The following ANKRD30A variants were observed in gnomAD, a reference collection of about 807,000 sequenced individuals.
ANKRD30A encodes ankyrin repeat domain 30A.
Under a neutral mutation model 166.3 loss-of-function variants are expected in ANKRD30A, and 170 were observed. That is an observed-to-expected ratio of 1.02 (90% CI 0.90 to 1.16). ANKRD30A has a LOEUF of 1.16. Among genes scored for constraint, ANKRD30A ranks in the 50% most tolerant of loss-of-function variants. The probability of loss-of-function intolerance (pLI) is 0.00; values close to 1 mark genes in which losing one functional copy is unlikely to be tolerated. For synonymous variants in ANKRD30A, 564 were observed against 508.9 expected (o/e 1.11, Z -1.46); for missense variants, 1,630 against 1,518.0 (o/e 1.07, Z -1.23).
chr10:37,257,017 G>T, the ANKRD30A span, among the ~76,000 whole-genome samples: 13 of 152,128 alleles, frequency 8.5e-5, no homozygotes, highest in South Asian at 2.7e-3. Context: ...GAATCCATCT[G>T]GTCCTGGGCT....
chr10:37,220,951 T>C (rs1355911129), intron 34 of ANKRD30A, among the ~76,000 whole-genome samples: 1 of 151,230 alleles, frequency 6.6e-6, no homozygotes, highest in Non-Finnish European at 1.5e-5. Flanking sequence ...TGATTGAATA[T>C]GTGAGGAACT....
intron 31 of ANKRD30A, among the ~76,000 whole-genome samples, chr10:37,202,148 A>G (rs781640534): frequency 3.3e-5 from 5 of 152,154 alleles, no homozygotes; most frequent in Non-Finnish European, 2.9e-5. Flanking sequence ...AAGGGTCAGA[A>G]GAAAGCATTA....
chr10:37,217,411 T>G (rs1293613639), intron 32 of ANKRD30A, among the ~76,000 whole-genome samples: 1 of 150,992 alleles, frequency 6.6e-6, no homozygotes, highest in African/African-American at 2.4e-5. Flanking sequence ...ATTTTCAACT[T>G]ATAAATTTAC....
chr10:37,213,791 A>T (rs959528640), intron 31 of ANKRD30A, among the ~76,000 whole-genome samples: 1 of 151,610 alleles, frequency 6.6e-6, no homozygotes, highest in Non-Finnish European at 1.5e-5. Flanking sequence ...CTTAATTTCC[A>T]ATAGTTGAGT....
At chr10:37,141,669 G>T (rs1255363944) in intron 6 of ANKRD30A, 49 bp from the exon 7 acceptor site, 4 of 1,599,554 alleles carry the variant, frequency 2.5e-6, no homozygotes, top group Non-Finnish European at 3.4e-6. Context: ...AGAGTCAGGA[G>T]GATGATATTT....
chr10:37,231,211 T>TA (rs1370038702), intron 34 of ANKRD30A, among the ~76,000 whole-genome samples: 1 of 151,882 alleles, frequency 6.6e-6, no homozygotes, highest in African/African-American at 2.4e-5. Flanking sequence ...CATAGTGAAA[T>TA]AGTCATGGCG....
intron 32 of ANKRD30A, 89 bp downstream of exon 32, chr10:37,216,483 A>G (rs1430810155): frequency 9.4e-6 from 12 of 1,278,306 alleles, no homozygotes; most frequent in Non-Finnish European, 1.3e-5. Context: ...TTACCTTCTG[A>G]GGTTTTACTG....
At chr10:37,133,488 A>G (rs1409532224) in intron 4 of ANKRD30A, among the ~76,000 whole-genome samples, 1 of 152,240 alleles carries the variant, frequency 6.6e-6, no homozygotes, top group Non-Finnish European at 1.5e-5. Context: ...CATTCTTATC[A>G]GCATCATTAA....
chr10:37,232,042 T>C (rs1843433022), intron 35 of ANKRD30A, among the ~76,000 whole-genome samples: 1 of 152,026 alleles, frequency 6.6e-6, no homozygotes, highest in Non-Finnish European at 1.5e-5. Context: ...CTGTGCTTCA[T>C]AACACTTCTA....
chr10:37,230,772 A>G (rs1192467329), intron 34 of ANKRD30A, among the ~76,000 whole-genome samples: 1 of 152,036 alleles, frequency 6.6e-6, no homozygotes, highest in Non-Finnish European at 1.5e-5. Context: ...TCCTTGTGAA[A>G]TGGGGAATTA....
At chr10:37,240,644 T>C in the ANKRD30A span, among the ~76,000 whole-genome samples, 1 of 152,138 alleles carries the variant, frequency 6.6e-6, no homozygotes, top group Non-Finnish European at 1.5e-5. Context: ...GTGATCTTCC[T>C]CAGCTCCAGC....
intron 15 of ANKRD30A, among the ~76,000 whole-genome samples, chr10:37,161,851 A>T (rs1838909567): frequency 6.6e-6 from 1 of 152,230 alleles, no homozygotes; most frequent in Admixed American, 6.5e-5. Flanking sequence ...CTAATGATAC[A>T]CCGAACCAGA....
chr10:37,130,361 A>G lies in ANKRD30A; in HGVS notation c.493A>G (p.Ile165Val). Residue 165 changes from isoleucine to valine, a missense_variant, in exon 3 of 36, where the codon ATC (isoleucine) becomes GTC (valine). Physicochemically the swap from Ile to Val is conservative, Grantham distance 29 (BLOSUM62 3). Around this residue, in one of 4 missense-constraint regions of ANKRD30A, gnomAD observed 904 missense variants for 818.5 expected, o/e 1.10. Coordinates refer to ENST00000361713, the MANE Select transcript of ANKRD30A (RefSeq NM_052997.3). ...AAAACTGCTGTCCCATGGTGCAGTC[A>G]TCGAAGTGCACAACAAGGTAGACAC... ...VAKLLSHGAV[I>V]EVHNKASLTP... 1.3e-6 allele frequency: 2 copies of G among 1,521,598 alleles called. No homozygotes were observed. Among genetic ancestry groups the G allele is most frequent in the Admixed American group, 2.0e-5 (1 of 49,860 alleles). 94.3% of individuals were successfully genotyped at this position (1,521,598 alleles called of 1,614,324 possible).
intron 29 of ANKRD30A, among the ~76,000 whole-genome samples, chr10:37,197,685 C>T (rs892691951): frequency 6.6e-6 from 1 of 151,996 alleles, no homozygotes; most frequent in Non-Finnish European, 1.5e-5. Context: ...TAGCCTTAAT[C>T]TCAGATGTTT....
At position 37,149,849 on chromosome 10, in the gene ANKRD30A, G is replaced by T. The variant is rs749135492; in HGVS notation, c.1645G>T (p.Asp549Tyr). 1.2e-6 allele frequency: 2 copies of T among 1,612,086 alleles called. No homozygotes were observed. Among genetic ancestry groups the T allele is most frequent in the African/African-American group, 2.7e-5 (2 of 74,792 alleles). ...GAAGAATGAACAAACATTGAGAGCA[G>T]GTAAATTTTTCAATTTAACTATGCA... is the stretch of plus-strand genomic sequence containing the variant. Reference protein sequence around the residue: ...ELKNEQTLRADPMFPPESKQK... With the variant: ...ELKNEQTLRAYPMFPPESKQK... The change falls in exon 11 of 36, where the codon GAT (aspartate) becomes TAT (tyrosine). Residue 549 changes from aspartate to tyrosine, a missense_variant and splice_region_variant. Asp to Tyr is a radical substitution (Grantham distance 160). Coordinates refer to ENST00000361713, the MANE Select transcript of ANKRD30A (RefSeq NM_052997.3).
chr10:37,199,736 T>G lies in ANKRD30A; in HGVS notation c.2726T>G (p.Phe909Cys), dbSNP rs1841467666. 2 of 1,575,656 alleles carry G rather than the reference T, an allele frequency of 1.3e-6. No individual in the cohort carries two copies. The highest frequency in any genetic ancestry group is 1.7e-6 in the Non-Finnish European group (2 of 1,150,666). Reference protein sequence around the residue: ...NEQTLRADQMFPSESKQKKVE... With the variant: ...NEQTLRADQMCPSESKQKKVE... ...GATTAACCTTTTATAGATCAGATGT[T>G]CCCTTCAGAATCAAAACAAAAGAAG... The change falls in exon 30 of 36, where the codon TTC (phenylalanine) becomes TGC (cysteine). Residue 909 changes from phenylalanine to cysteine, a missense_variant. Phe to Cys is a radical substitution (Grantham distance 205, BLOSUM62 -2). This residue lies in a region of ANKRD30A where 712 missense variants were observed against 629.3 expected (regional missense o/e 1.13). Coordinates refer to ENST00000361713, the MANE Select transcript of ANKRD30A (RefSeq NM_052997.3).
rs1224668263 is a variant in ANKRD30A, at chr10:37,158,391, G to C, written c.1799-1G>C. The C allele has an allele frequency of 6.2e-7, 1 of 1,608,678 alleles. No individual in the cohort carries two copies. The highest frequency in any genetic ancestry group is 8.5e-7 in the Non-Finnish European group (1 of 1,176,026). ...AATTATGTATGTCCCTTTTCTTATAGAGTCTCCTAATAAAGATGGTCTTCT... is the reference window on the plus strand; with the variant it reads ...AATTATGTATGTCCCTTTTCTTATACAGTCTCCTAATAAAGATGGTCTTCT... On this transcript the variant is annotated splice_acceptor_variant, in intron 13 of 35. Coordinates refer to ENST00000361713, the MANE Select transcript of ANKRD30A (RefSeq NM_052997.3). LOFTEE classifies it high-confidence loss of function.
At chr10:37,191,515 C>T (rs1319892498) in intron 25 of ANKRD30A, among the ~76,000 whole-genome samples, 2 of 151,858 alleles carry the variant, frequency 1.3e-5, no homozygotes, top group Admixed American at 1.3e-4. Flanking sequence ...TCAGCTTTTG[C>T]ATTTATTTTC....
chr10:37,140,332 TG>T (rs1367073584), intron 6 of ANKRD30A, among the ~76,000 whole-genome samples: 1 of 152,218 alleles, frequency 6.6e-6, no homozygotes, highest in Non-Finnish European at 1.5e-5. Context: ...CTTTAGAATT[TG>T]AAAACTTAAT....
Sources: gnomAD v4.1 joint callset for allele counts (sites outside exome capture counted in the v4.1 genomes callset) on GRCh38, gnomAD v4.1.1 for gene constraint, gnomAD v4.1.1 regional missense constraint, MANE v1.5 for transcripts, NCBI Gene and HGNC (gene_info 2026-07-23, HGNC 2026-07-21) for gene names.